The following TYW1B variants were observed in gnomAD, a reference collection of about 807,000 sequenced individuals.
TYW1B encodes the protein S-adenosyl-L-methionine-dependent tRNA 4-demethylwyosine synthase TYW1B.
In TYW1B, 73 loss-of-function variants were observed where a neutral mutation model predicts 86.9. That is an observed-to-expected ratio of 0.84 (90% CI 0.70 to 1.02). The LOEUF is 1.02. TYW1B is among the 50% of genes least tolerant of loss of function. The probability of loss-of-function intolerance (pLI) is 0.00; values close to 1 mark genes in which losing one functional copy is unlikely to be tolerated. For synonymous variants in TYW1B, 248 were observed against 292.8 expected, an observed-to-expected ratio of 0.85 and a Z score of 1.56; for missense variants, 637 against 827.4, an observed-to-expected ratio of 0.77 and a Z score of 2.82.
chr7:72,805,744 G>C (rs1345605411), intron 5 of TYW1B, among the ~76,000 whole-genome samples: 1 of 152,156 alleles, frequency 6.6e-6, no homozygotes, highest in African/African-American at 2.4e-5. Flanking sequence ...ATGGTTGCTG[G>C]AGGTGTGAAG....
At chr7:72,587,374 C>T (rs150525380) in intron 13 of TYW1B, among the ~76,000 whole-genome samples, 1,912 of 152,148 alleles carry the variant, frequency 0.013, 41 homozygotes, top group African/African-American at 0.041. Flanking sequence ...TGCGGGAGAC[C>T]GGAGTTTTAT....
intron 2 of TYW1B, among the ~76,000 whole-genome samples, chr7:72,820,201 G>T (rs1477483928): frequency 6.6e-6 from 1 of 152,178 alleles, no homozygotes; most frequent in East Asian, 1.9e-4. Context: ...CTTGAACCCA[G>T]GAGGCGAAGG....
chr7:72,576,273 G>A (rs1242598635), intron 13 of TYW1B, among the ~76,000 whole-genome samples: 1 of 152,182 alleles, frequency 6.6e-6, no homozygotes, highest in Admixed American at 6.5e-5. Context: ...AATTCAGTAA[G>A]AGGGGATAAT....
intron 10 of TYW1B, among the ~76,000 whole-genome samples, chr7:72,695,298 G>A (rs1351108052): frequency 2.0e-5 from 3 of 152,124 alleles, no homozygotes; most frequent in Non-Finnish European, 1.5e-5. Flanking sequence ...TTATTCAAAG[G>A]ACGCTGAGTC....
intron 8 of TYW1B, among the ~76,000 whole-genome samples, chr7:72,731,536 T>C (rs1297912578): frequency 6.6e-6 from 1 of 151,626 alleles, no homozygotes. Context: ...ACTGGCTGAA[T>C]GAATTTAAAA....
chr7:72,718,983 G>C (rs1786841779), intron 9 of TYW1B, among the ~76,000 whole-genome samples: 2 of 151,896 alleles, frequency 1.3e-5, no homozygotes, highest in South Asian at 4.2e-4. Flanking sequence ...CCCATTCCCT[G>C]ATCTTTAAAA....
intron 7 of TYW1B, among the ~76,000 whole-genome samples, chr7:72,747,385 C>G (rs189280696): frequency 1.3e-5 from 2 of 152,146 alleles, no homozygotes; most frequent in African/African-American, 4.8e-5. Context: ...GTAAGTCCAA[C>G]TGAACCTCTT....
chr7:72,720,802 G>A (rs189387286), intron 9 of TYW1B, among the ~76,000 whole-genome samples: 209 of 152,182 alleles, frequency 1.4e-3, no homozygotes, highest in Non-Finnish European at 2.3e-3. Context: ...GCAATGTGCA[G>A]GTTTGTTACA....
chr7:72,659,452 C>T (rs1813280250), intron 11 of TYW1B, among the ~76,000 whole-genome samples: 2 of 152,168 alleles, frequency 1.3e-5, no homozygotes, highest in African/African-American at 4.8e-5. Context: ...GTGGCCCACA[C>T]CTGTAGTCCC....
chr7:72,621,678 T>A (rs557114379), intron 12 of TYW1B, among the ~76,000 whole-genome samples: 1 of 152,390 alleles, frequency 6.6e-6, no homozygotes, highest in South Asian at 2.1e-4. Context: ...GGGCAGGGGC[T>A]GTGCCTTGCT....
At chr7:72,826,659 C>G (rs1429994534) in intron 2 of TYW1B, among the ~76,000 whole-genome samples, 196 bp downstream of exon 2, 1 of 152,124 alleles carries the variant, frequency 6.6e-6, no homozygotes, top group Non-Finnish European at 1.5e-5. Context: ...ATGAGACACA[C>G]CTATCAAAGA....
At chr7:72,638,887 A>G (rs1214393858) in intron 11 of TYW1B, among the ~76,000 whole-genome samples, 2 of 152,206 alleles carry the variant, frequency 1.3e-5, no homozygotes, top group Non-Finnish European at 2.9e-5. Flanking sequence ...CTTTAGTTGT[A>G]ACTACCATTT....
chr7:72,817,208 G>A (rs1235501198), intron 2 of TYW1B, among the ~76,000 whole-genome samples: 4 of 151,936 alleles, frequency 2.6e-5, no homozygotes, highest in Admixed American at 6.6e-5. Context: ...GTTCGAGACC[G>A]GCCTGACCAA....
At chr7:72,772,321 C>T (rs1554469816) in intron 7 of TYW1B, among the ~76,000 whole-genome samples, 2 of 152,104 alleles carry the variant, frequency 1.3e-5, no homozygotes, top group Non-Finnish European at 2.9e-5. Flanking sequence ...AATTTACATT[C>T]TTTTCATGGA....
intron 2 of TYW1B, among the ~76,000 whole-genome samples, chr7:72,820,335 A>G (rs1554480240): frequency 6.6e-6 from 1 of 152,122 alleles, no homozygotes; most frequent in Admixed American, 6.6e-5. Flanking sequence ...AAGCTTCATA[A>G]GCGAAGGAGA....
chr7:72,594,361 A>G (rs1811477080), intron 13 of TYW1B, among the ~76,000 whole-genome samples: 1 of 151,400 alleles, frequency 6.6e-6, no homozygotes. Context: ...AAAAACTGTA[A>G]GAGTGTACTA....
At chr7:72,619,247 T>C (rs543224359) in intron 12 of TYW1B, among the ~76,000 whole-genome samples, 1 of 152,302 alleles carries the variant, frequency 6.6e-6, no homozygotes, top group Admixed American at 6.5e-5. Flanking sequence ...AAAAACCCTA[T>C]GTCAATTAGT....
chr7:72,806,355 C>G (rs183754673), intron 5 of TYW1B, among the ~76,000 whole-genome samples: 115 of 151,744 alleles, frequency 7.6e-4, no homozygotes, highest in African/African-American at 2.5e-3. Context: ...CATGCCTCAG[C>G]CTCCCGAGTA....
At chr7:72,768,559 G>A (rs1296695256) in intron 7 of TYW1B, among the ~76,000 whole-genome samples, 3 of 152,132 alleles carry the variant, frequency 2.0e-5, no homozygotes, top group Admixed American at 6.6e-5. Context: ...AGGCCGAGGC[G>A]GGCGGATCAC....
Sources: allele counts gnomAD v4.1 joint callset (sites outside exome capture counted in the v4.1 genomes callset), GRCh38; gene constraint gnomAD v4.1.1; transcripts MANE v1.5; gene names NCBI Gene and HGNC (gene_info 2026-07-23, HGNC 2026-07-21).